Variants in MEGF9 observed in about 807,000 individuals in gnomAD.
MEGF9 encodes multiple epidermal growth factor-like domains protein 9.
A neutral mutation model predicts 46.8 loss-of-function variants in MEGF9; 6 were observed. The ratio of observed to expected loss-of-function variants is 0.13; its 90% CI spans 0.07 to 0.25. The LOEUF (loss-of-function observed/expected upper bound fraction) is 0.25, where lower values mean the gene tolerates loss of function less well. Ranked by LOEUF, MEGF9 falls within the 10% of genes least tolerant of loss-of-function variation. MEGF9 has a pLI of 1.00. For synonymous variants in MEGF9, 302 were observed against 330.7 expected (o/e 0.91, Z 0.94); for missense variants, 683 against 792.4 (o/e 0.86, Z 1.66).
chr9:120,683,542 G>A (rs1440970380), intron 1 of MEGF9, among the ~76,000 whole-genome samples: 1 of 152,234 alleles, frequency 6.6e-6, no homozygotes, highest in Non-Finnish European at 1.5e-5. Context: ...GCCATGTGAA[G>A]AAGGTCTTTG....
chr9:120,661,702 A>G (rs1032280388), intron 1 of MEGF9, among the ~76,000 whole-genome samples: 1 of 152,144 alleles, frequency 6.6e-6, no homozygotes, highest in East Asian at 1.9e-4. Flanking sequence ...GGCTACATAA[A>G]CATGACATTT....
Position 120,602,761 on chromosome 9 carries a change from G to A in MEGF9, c.*2429C>T, listed in dbSNP as rs574508999. Reference sequence around the variant, plus strand: ...ACCACCTTTAATCCTGACCTTTTTTGGGGGGGGCAGGGGGCGGTGTATCTG... The same window carrying A: ...ACCACCTTTAATCCTGACCTTTTTTAGGGGGGGCAGGGGGCGGTGTATCTG... On this transcript the variant is annotated 3_prime_UTR_variant, in exon 6 of 6. Transcript: ENST00000373930. 1 of 151,246 alleles carries A rather than the reference G, an allele frequency of 6.6e-6. No individual in the cohort carries two copies. Among genetic ancestry groups the A allele is most frequent in the African/African-American group, 2.4e-5 (1 of 41,114 alleles). The allele number at this position is 151,246 out of a possible 1,614,324, so 9.4% of individuals were successfully genotyped here.
intron 2 of MEGF9, among the ~76,000 whole-genome samples, chr9:120,631,304 C>A (rs1019975454): frequency 1.3e-5 from 2 of 152,302 alleles, no homozygotes; most frequent in South Asian, 2.1e-4. Flanking sequence ...GGATTCATTT[C>A]TAAATTCTTT....
chr9:120,616,496 G>A (rs891426642), intron 3 of MEGF9, among the ~76,000 whole-genome samples: 63 of 151,988 alleles, frequency 4.1e-4, no homozygotes, highest in African/African-American at 1.2e-3. Context: ...CGGCTAACAC[G>A]GTGAAACCCC....
rs757498098 is a variant in MEGF9 at position 120,689,922 on chromosome 9, C to A, written c.601+23836G>T. 14 of 530,192 alleles carry A rather than the reference C, an allele frequency of 2.6e-5. No homozygotes were observed. The African/African-American group carries it at 2.7e-4, about 10-fold the overall frequency. 32.8% of individuals were successfully genotyped at this position (530,192 alleles called of 1,614,324 possible). Reference sequence around the variant, plus strand: ...CCTCTCCCTTCCCATAACAATTTTTCTACCCGTTTTAACAGCTTCTGAGAC... The same window carrying A: ...CCTCTCCCTTCCCATAACAATTTTTATACCCGTTTTAACAGCTTCTGAGAC... On this transcript the variant is annotated intron_variant, in intron 1 of 5. Transcript: ENST00000373930.
Position 120,631,253 on chromosome 9 carries a change from T to C in MEGF9, c.804-8498A>G, listed in dbSNP as rs377491123. Among the ~76,000 whole-genome samples the C allele has an allele frequency of 1.3e-4, 20 of 152,362 alleles. 1 individual carries two copies. The highest frequency in any genetic ancestry group is 3.4e-3 in the Middle Eastern group (1 of 294). ...AAGAGACTGTCCCATTCTCAATGAA[T>C]GTTTTTGGCACCTCTGAGAATCAAG... is the stretch of plus-strand genomic sequence containing the variant. On this transcript the variant is annotated intron_variant, in intron 2 of 5. Coordinates refer to ENST00000373930, the MANE Select transcript of MEGF9 (RefSeq NM_001080497.3).
chr9:120,616,765 A>C, intron 3 of MEGF9, among the ~76,000 whole-genome samples: 1 of 151,850 alleles, frequency 6.6e-6, no homozygotes, highest in East Asian at 1.9e-4. Context: ...AAACTAAGTT[A>C]CCTTAAGCAA....
chr9:120,608,795 C>A (rs2043431601), intron 4 of MEGF9, among the ~76,000 whole-genome samples: 3 of 152,204 alleles, frequency 2.0e-5, no homozygotes, highest in African/African-American at 7.2e-5. Context: ...TAAGCCAAAA[C>A]ACTGAGAATC....
At chr9:120,705,897 TA>T (rs1168774093) in intron 1 of MEGF9, among the ~76,000 whole-genome samples, 2 of 150,630 alleles carry the variant, frequency 1.3e-5, no homozygotes, top group Non-Finnish European at 3.0e-5. Flanking sequence ...ACATTACTAA[TA>T]AGGATTTTTA....
At position 120,613,690 on chromosome 9, in the gene MEGF9, CAA is replaced by C. The variant is rs2043458909; in HGVS notation, c.944-1153_944-1152del. ...GGAAGCAGCATAACATTTGAAAATA[CAA>C]AATGAGAAAGTGTAACATAATTTAC... On this transcript the variant is annotated intron_variant, in intron 3 of 5. Transcript: ENST00000373930. 4.6e-5 allele frequency among the ~76,000 whole-genome samples: 7 copies of C among 152,098 alleles called. No homozygotes were observed. In the South Asian group the frequency reaches 1.5e-3, roughly 32 times the overall value.
chr9:120,704,994 T>A (rs539568301), intron 1 of MEGF9, among the ~76,000 whole-genome samples: 1 of 152,242 alleles, frequency 6.6e-6, no homozygotes, highest in South Asian at 2.1e-4. Context: ...GATTTTTTTT[T>A]AGAGCCAGAT....
At chr9:120,635,519 C>T (rs1564417116) in intron 2 of MEGF9, among the ~76,000 whole-genome samples, 1 of 149,770 alleles carries the variant, frequency 6.7e-6, no homozygotes, top group Non-Finnish European at 1.5e-5. Context: ...ATTTCTCTCT[C>T]TTTTTTTTTT....
At chr9:120,689,252 G>A (rs1222776281) in intron 1 of MEGF9, among the ~76,000 whole-genome samples, 1 of 152,190 alleles carries the variant, frequency 6.6e-6, no homozygotes, top group Admixed American at 6.5e-5. Context: ...GCTAAGGGTA[G>A]AGGAGAGGAG....
rs555381282 is a variant in MEGF9, at chr9:120,606,798, G to C, written c.1357+943C>G. 1.5e-3 allele frequency among the ~76,000 whole-genome samples: 234 copies of C among 152,114 alleles called. 1 individual carries two copies. The highest frequency in any genetic ancestry group is 5.5e-3 in the African/African-American group (228 of 41,478). ...GGCATATAGTAGGTACTCAATAAAAGTATTACTATTATTATTATAATTCTT... is the reference window on the plus strand; with the variant it reads ...GGCATATAGTAGGTACTCAATAAAACTATTACTATTATTATTATAATTCTT... On this transcript the variant is annotated intron_variant, in intron 5 of 5. Coordinates refer to ENST00000373930, the MANE Select transcript of MEGF9 (RefSeq NM_001080497.3).
chr9:120,607,016 A>T (rs1481847445), intron 5 of MEGF9, among the ~76,000 whole-genome samples: 1 of 152,158 alleles, frequency 6.6e-6, no homozygotes, highest in Non-Finnish European at 1.5e-5. Context: ...TGCCTTGATC[A>T]CTACAGTATA....
intron 1 of MEGF9, among the ~76,000 whole-genome samples, chr9:120,700,456 T>C (rs1474399129): frequency 6.6e-6 from 1 of 152,222 alleles, no homozygotes; most frequent in African/African-American, 2.4e-5. Context: ...ATAACATCAA[T>C]AGATGGTGGG....
At chr9:120,632,589 T>C (rs546981998) in intron 2 of MEGF9, among the ~76,000 whole-genome samples, 3 of 152,298 alleles carry the variant, frequency 2.0e-5, no homozygotes, top group African/African-American at 4.8e-5. Context: ...CCTTTATTTC[T>C]TTCTCTTGCC....
At chr9:120,706,427 C>T (rs1401104647) in intron 1 of MEGF9, among the ~76,000 whole-genome samples, 1 of 148,712 alleles carries the variant, frequency 6.7e-6, no homozygotes, top group African/African-American at 2.6e-5. Flanking sequence ...GGGGGCCTGG[C>T]CCCCCAAAAA....
rs765062327 is a variant in MEGF9, at chr9:120,626,107, TAA to T, written c.804-3354_804-3353del. The stretch of plus-strand genomic sequence containing the variant: ...AACCCACAGCTTCATAACTGGAGAA[TAA>T]ATGTGTAGAACTGGATTTTAAATAG... On this transcript the variant is annotated intron_variant, in intron 2 of 5. Coordinates refer to ENST00000373930, the MANE Select transcript of MEGF9 (RefSeq NM_001080497.3). Among the ~76,000 whole-genome samples, 115 of 152,178 alleles carry T rather than the reference TAA, an allele frequency of 7.6e-4. 2 individuals carry two copies. Among genetic ancestry groups the T allele is most frequent in the Non-Finnish European group, 1.9e-4 (13 of 68,032 alleles).
Sources: allele counts gnomAD v4.1 joint callset (sites outside exome capture counted in the v4.1 genomes callset), GRCh38; gene constraint gnomAD v4.1.1; transcripts MANE v1.5; gene names NCBI Gene and HGNC (gene_info 2026-07-23, HGNC 2026-07-21).